P4HTM: variants seen among roughly 807,000 people sequenced by gnomAD.
The protein encoded by P4HTM is transmembrane prolyl 4-hydroxylase.
A neutral mutation model predicts 55.3 loss-of-function variants in P4HTM; 33 were observed. The observed-to-expected ratio is 0.60, with a 90% CI of 0.45 to 0.80. The LOEUF is 0.80. P4HTM is among the 30% of genes least tolerant of loss of function. The pLI, the probability that P4HTM is intolerant of heterozygous loss-of-function variation, is 0.00. For synonymous variants in P4HTM, 272 were observed against 286.4 expected (o/e 0.95, Z 0.51); for missense variants, 542 against 696.5 (o/e 0.78, Z 2.50).
At position 49,007,120 on chromosome 3, in the gene P4HTM, C is replaced by T. The variant is rs1051187782; in HGVS notation, c.*213C>T. ...ATAAAAAACCACAAGGTTCGAGCCG[C>T]CGGGCCCGACAAACTCCGGGTCGGC... On this transcript the variant is annotated 3_prime_UTR_variant, in exon 9 of 9. Transcript: ENST00000383729. This position sits in a 1 kb window ranked among gnomAD's most constrained non-coding sequence, Gnocchi z 5.1. 8 of 690,410 alleles carry T rather than the reference C, an allele frequency of 1.2e-5. No individual in the cohort carries two copies. In the East Asian group the frequency reaches 2.2e-4, roughly 19 times the overall value. The allele number at this position is 690,410 out of a possible 1,614,324, so 42.8% of individuals were successfully genotyped here.
chr3:49,004,726 T>G, intron 5 of P4HTM, 135 bp from the exon 6 acceptor site: 1 of 832,022 alleles, frequency 1.2e-6, no homozygotes, highest in Non-Finnish European at 1.9e-6. Context: ...AGGGCCAGTC[T>G]GAGATGGCTT....
intron 2 of P4HTM, chr3:48,991,510 A>G (rs1230843184): frequency 6.6e-6 from 1 of 152,392 alleles, no homozygotes; most frequent in African/African-American, 2.4e-5. Context: ...AGCTCTAGTT[A>G]TGTGCTTGCC....
In P4HTM at chr3:48,990,676, C is replaced by G; in HGVS notation, c.354+66C>G. On this transcript the variant is annotated intron_variant, in intron 1 of 8. Coordinates refer to ENST00000383729, the MANE Select transcript of P4HTM (RefSeq NM_177939.3). The surrounding 1 kb of genome is among the most constrained non-coding windows in gnomAD (Gnocchi z 7.2). ...GGCTGAGCCCGAGAGGACCGGCGCT[C>G]AGCCCGGGTCCCCACGCTGCCCCCG... The G allele has an allele frequency of 6.8e-7, 1 of 1,471,496 alleles. No individual in the cohort carries two copies. Among genetic ancestry groups the G allele is most frequent in the South Asian group, 1.4e-5 (1 of 73,354 alleles). The allele number at this position is 1,471,496 out of a possible 1,614,324, so 91.2% of individuals were successfully genotyped here. A position where few individuals can be genotyped will look rare whatever the true frequency, so the allele number is the denominator to read the frequency against.
intron 8 of P4HTM, 23 bp from the exon 9 acceptor site, chr3:49,006,664 C>T (rs1465158870): frequency 3.7e-6 from 6 of 1,607,384 alleles, no homozygotes; most frequent in Non-Finnish European, 4.3e-6. Context: ...AGCCTAGGAT[C>T]TCACGTCACC....
rs757914897 is a variant in P4HTM, at chr3:49,006,137, C to T, written c.1238C>T (p.Pro413Leu). The T allele has an allele frequency of 2.5e-5, 41 of 1,612,568 alleles. No homozygotes were observed. Among genetic ancestry groups the T allele is most frequent in the Non-Finnish European group, 2.5e-6 (3 of 1,179,812 alleles). ...HCDKGNLRVK[P>L]QQGTAVFWYN... ...GACAAGGGAAACCTGCGTGTCAAGC[C>T]CCAACAGGGCACAGCAGTCTTCTGG... is the stretch of plus-strand genomic sequence containing the variant. Residue 413 changes from proline (P) to leucine (L), a missense_variant, in exon 8 of 9, where the codon CCC becomes CTC. This residue lies in a region of P4HTM where 536 missense variants were observed against 672.1 expected (regional missense o/e 0.80). Transcript: ENST00000383729.
chr3:49,006,998 G>C lies in P4HTM; in HGVS notation c.*91G>C, dbSNP rs2092985840. On this transcript the variant is annotated 3_prime_UTR_variant, in exon 9 of 9. Transcript: ENST00000383729. ...CCTTCTGTCCTGCTGCAGACTAAAG[G>C]TCTGGCCAATGTCTTGCCCCACCCC... 1 of 1,109,698 alleles carries C rather than the reference G, an allele frequency of 9.0e-7. No individual in the cohort carries two copies. The highest frequency in any genetic ancestry group is 1.3e-6 in the Non-Finnish European group (1 of 768,878). The allele number at this position is 1,109,698 out of a possible 1,614,324, so 68.7% of individuals were successfully genotyped here.
chr3:48,994,791 GT>G (rs1223612282), intron 2 of P4HTM, among the ~76,000 whole-genome samples: 1 of 151,748 alleles, frequency 6.6e-6, no homozygotes, highest in East Asian at 1.9e-4. Flanking sequence ...TTTTTGTTTT[GT>G]TTTGTTTTGT....
rs2092972310 is a variant in P4HTM, at chr3:49,004,970, C to A, written c.997C>A (p.Pro333Thr). The A allele has an allele frequency of 1.9e-6, 3 of 1,613,928 alleles. No individual in the cohort carries two copies. Among genetic ancestry groups the A allele is most frequent in the Non-Finnish European group, 2.5e-6 (3 of 1,180,040 alleles). The change falls in exon 6 of 9, where the codon CCT becomes ACT. Residue 333 changes from proline (P) to threonine (T), a missense_variant. Physicochemically the swap from Pro to Thr is conservative, Grantham distance 38 (BLOSUM62 -1). Coordinates refer to ENST00000383729, the MANE Select transcript of P4HTM (RefSeq NM_177939.3). ...GHYHAHVDSG[P>T]VYPETICSHT... Reference sequence around the variant, plus strand: ...CTACCATGCCCACGTGGACAGTGGGCCTGTGTACCCAGAGACCATCTGCTC... The same window carrying A: ...CTACCATGCCCACGTGGACAGTGGGACTGTGTACCCAGAGACCATCTGCTC...
At chr3:48,990,063 C>T, upstream of P4HTM, 1 of 286,886 alleles carries the variant, frequency 3.5e-6, no homozygotes, top group Non-Finnish European at 5.6e-6. The surrounding 1 kb of genome is among the most constrained non-coding windows in gnomAD (Gnocchi z 7.2). Flanking sequence ...GAAGCCCCAG[C>T]GTGGGCTGGG....
intron 2 of P4HTM, chr3:48,991,662 T>C (rs1314487018): frequency 6.6e-6 from 1 of 152,232 alleles, no homozygotes; most frequent in Non-Finnish European, 1.5e-5. Flanking sequence ...GTGGTGAAGC[T>C]AGGATTAGAA....
chr3:49,000,567 A>C (rs1326150613), intron 2 of P4HTM, among the ~76,000 whole-genome samples: 1 of 152,076 alleles, frequency 6.6e-6, no homozygotes, highest in Non-Finnish European at 1.5e-5. Context: ...TCCTCCAGTG[A>C]AGACCGCTCT....
At chr3:48,995,092 T>C (rs909676567) in intron 2 of P4HTM, among the ~76,000 whole-genome samples, 20 of 152,112 alleles carry the variant, frequency 1.3e-4, no homozygotes, top group Non-Finnish European at 2.8e-4. Flanking sequence ...TGAGCCACCG[T>C]GCCCAGCCGC....
rs1487694292 is a variant in P4HTM, at chr3:49,004,201, C to A, written c.828C>A (p.His276Gln). 6.5e-7 allele frequency: 1 copy of A among 1,549,508 alleles called. No homozygotes were observed. Among genetic ancestry groups the A allele is most frequent in the Non-Finnish European group, 8.7e-7 (1 of 1,146,844 alleles). The change falls in exon 5 of 9, where the codon CAC (histidine) becomes CAA (glutamine). Residue 276 changes from histidine to glutamine, a missense_variant. Transcript: ENST00000383729. ...AESSELVRNS[H>Q]HTWLYQGEGA... ...CCAGTGAGCTGGTGCGGAACAGCCA[C>A]CATACCTGGCTCTACCAGGGTGAGG...
rs2092955695 is a variant in P4HTM at position 48,999,581 on chromosome 3, C to T, written c.437-1857C>T. 1 of 167,402 alleles carries T rather than the reference C, an allele frequency of 6.0e-6. No individual in the cohort carries two copies. Among genetic ancestry groups the T allele is most frequent in the Non-Finnish European group, 1.5e-5 (1 of 68,356 alleles). The allele number at this position is 167,402 out of a possible 1,614,324, so 10.4% of individuals were successfully genotyped here. On this transcript the variant is annotated intron_variant, in intron 2 of 8. Coordinates refer to ENST00000383729, the MANE Select transcript of P4HTM (RefSeq NM_177939.3). This position sits in a 1 kb window ranked among gnomAD's most constrained non-coding sequence, Gnocchi z 4.8. ...AACTGAGGTTGAGGGTTTTATAGGG[C>T]TGTTCCTGCACCCAGGGAGCCAACA...
At chr3:49,005,308 A>C in intron 6 of P4HTM, 1 of 1,438,922 alleles carries the variant, frequency 6.9e-7, no homozygotes, top group Non-Finnish European at 9.1e-7. Context: ...TGAGTTCTGA[A>C]GCAAGGGGCA....
At position 49,001,515 on chromosome 3, in the gene P4HTM, C is replaced by A; in HGVS notation, c.514C>A (p.Gln172Lys). ...LAQMKGLQRS[Q>K]ILPTEEYEEA... ...GCAGATGAAGGGGTTACAGCGCAGCCAGATCCTGCCTACTGAAGAGTATGA... is the reference window on the plus strand; with the variant it reads ...GCAGATGAAGGGGTTACAGCGCAGCAAGATCCTGCCTACTGAAGAGTATGA... The change falls in exon 3 of 9, where the codon CAG (glutamine) becomes AAG (lysine). Residue 172 changes from glutamine (Q) to lysine (K), a missense_variant. By Grantham distance (53) the Gln-to-Lys change is moderately conservative. Coordinates refer to ENST00000383729, the MANE Select transcript of P4HTM (RefSeq NM_177939.3). 6.2e-7 allele frequency: 1 copy of A among 1,613,944 alleles called. No homozygotes were observed. The highest frequency in any genetic ancestry group is 8.5e-7 in the Non-Finnish European group (1 of 1,180,002).
Position 49,004,907 on chromosome 3 carries a change from G to C in P4HTM, c.934G>C (p.Glu312Gln), listed in dbSNP as rs2092971973. ...RLSPEIVELS[E>Q]PLQVVRYGEG... ...GTCGCCTGAGATCGTGGAGCTCAGC[G>C]AGCCGCTGCAGGTTGTTCGATATGG... is the stretch of plus-strand genomic sequence containing the variant. Residue 312 changes from glutamate (E) to glutamine (Q), a missense_variant, in exon 6 of 9, where the codon GAG becomes CAG. Glu to Gln is a conservative substitution (Grantham distance 29). Transcript: ENST00000383729. The C allele has an allele frequency of 1.2e-6, 2 of 1,613,152 alleles. No homozygotes were observed. Among genetic ancestry groups the C allele is most frequent in the South Asian group, 2.2e-5 (2 of 91,088 alleles).
rs1237397407 is a variant in P4HTM, at chr3:48,999,152, C to T, written c.437-2286C>T. On this transcript the variant is annotated intron_variant, in intron 2 of 8. Coordinates refer to ENST00000383729, the MANE Select transcript of P4HTM (RefSeq NM_177939.3). The surrounding 1 kb of genome is among the most constrained non-coding windows in gnomAD (Gnocchi z 4.8). ...TGTCAGCGCCCAGCCCTGATAGGTG[C>T]TCAGGTGCTCAGCAAGGATTACTGA... The T allele has an allele frequency of 6.6e-6, 1 of 152,240 alleles. No individual in the cohort carries two copies. Among genetic ancestry groups the T allele is most frequent in the Admixed American group, 6.5e-5 (1 of 15,280 alleles). 9.4% of individuals were successfully genotyped at this position (152,240 alleles called of 1,614,324 possible). A position where few individuals can be genotyped will look rare whatever the true frequency, so the allele number is the denominator to read the frequency against.
Position 49,001,570 on chromosome 3 carries a change from A to AGCTGGACCTCTTCCGGCT in P4HTM, c.578_595dup (p.Leu193_Asp198dup). 2.5e-6 allele frequency: 4 copies of AGCTGGACCTCTTCCGGCT among 1,613,806 alleles called. No homozygotes were observed. Among genetic ancestry groups the AGCTGGACCTCTTCCGGCT allele is most frequent in the Non-Finnish European group, 3.4e-6 (4 of 1,179,952 alleles). On this transcript the variant is annotated inframe_insertion, in exon 3 of 9. Coordinates refer to ENST00000383729, the MANE Select transcript of P4HTM (RefSeq NM_177939.3). The stretch of plus-strand genomic sequence containing the variant: ...GCAATGAGCACTATGCAGGTCAGCC[A>AGCTGGACCTCTTCCGGCT]GCTGGACCTCTTCCGGCTGCTGGAC...
Sources: gnomAD v4.1 joint callset for allele counts (sites outside exome capture counted in the v4.1 genomes callset) on GRCh38, gnomAD v4.1.1 for gene constraint, gnomAD v4.1.1 regional missense constraint, Gnocchi (gnomAD v3.1) non-coding constraint, MANE v1.5 for transcripts, NCBI Gene and HGNC (gene_info 2026-07-23, HGNC 2026-07-21) for gene names.